The following NUP133 variants were observed in gnomAD, a reference collection of about 807,000 sequenced individuals.
NUP133 encodes the protein nucleoporin 133.
NUP133 carries 66 observed loss-of-function variants against 146.2 expected under a neutral mutation model. The observed-to-expected ratio is 0.45, with a 90% CI of 0.37 to 0.55. NUP133 has a LOEUF of 0.55. Ranked by LOEUF, NUP133 falls within the 20% of genes least tolerant of loss-of-function variation. The probability of loss-of-function intolerance (pLI) is 0.00; values close to 1 mark genes in which losing one functional copy is unlikely to be tolerated. For missense variants in NUP133, 1,277 were observed against 1,374.8 expected, an observed-to-expected ratio of 0.93 and a Z score of 1.12; for synonymous variants, 521 against 498.8, an observed-to-expected ratio of 1.04 and a Z score of -0.59.
Position 229,465,405 on chromosome 1 carries a change from A to C in NUP133, c.2299+15T>G, listed in dbSNP as rs1481885068. ...AAATATATTTTGAACAACTGTTAAT[A>C]AATCAGTATATTACCCGTCCATGGA... On this transcript the variant is annotated intron_variant, in intron 17 of 25. Transcript: ENST00000261396. The C allele has an allele frequency of 1.2e-5, 19 of 1,524,812 alleles. No individual in the cohort carries two copies. The highest frequency in any genetic ancestry group is 1.7e-5 in the Admixed American group (1 of 58,644). 94.5% of individuals were successfully genotyped at this position (1,524,812 alleles called of 1,614,324 possible). A position where few individuals can be genotyped will look rare whatever the true frequency, so the allele number is the denominator to read the frequency against.
At position 229,508,250 on chromosome 1, in the gene NUP133, G is replaced by T; in HGVS notation, c.-1C>A. 1 of 1,512,720 alleles carries T rather than the reference G, an allele frequency of 6.6e-7. No individual in the cohort carries two copies. Among genetic ancestry groups the T allele is most frequent in the South Asian group, 1.2e-5 (1 of 80,462 alleles). The allele number at this position is 1,512,720 out of a possible 1,614,324, so 93.7% of individuals were successfully genotyped here. A position where few individuals can be genotyped will look rare whatever the true frequency, so the allele number is the denominator to read the frequency against. On this transcript the variant is annotated 5_prime_UTR_variant, in exon 1 of 26. Transcript: ENST00000261396. ...GCGGAGAAGGGGCGGCTGGGAACAT[G>T]ACTCCAAGGAGCAGCGACTAGGACA...
chr1:229,444,201 C>T (rs933843276), intron 25 of NUP133, among the ~76,000 whole-genome samples: 3 of 151,768 alleles, frequency 2.0e-5, no homozygotes, highest in Admixed American at 6.6e-5. Context: ...CATGGTGGTG[C>T]GTGCCTGTAA....
At chr1:229,497,044 C>T (rs1661673098) in intron 6 of NUP133, among the ~76,000 whole-genome samples, 1 of 152,138 alleles carries the variant, frequency 6.6e-6, no homozygotes, top group South Asian at 2.1e-4. Context: ...AGATATTCGG[C>T]TTTTTAAAGC....
In NUP133 at chr1:229,463,603, C is replaced by T. The variant is rs914587363; in HGVS notation, c.2625G>A (p.Met875Ile). The T allele has an allele frequency of 2.5e-6, 4 of 1,613,972 alleles. No homozygotes were observed. Among genetic ancestry groups the T allele is most frequent in the African/African-American group, 2.7e-5 (2 of 74,892 alleles). Residue 875 changes from methionine to isoleucine, a missense_variant, in exon 19 of 26, where the codon ATG (methionine) becomes ATA (isoleucine). This residue lies in a region of NUP133 where 952 missense variants were observed against 1,047.0 expected (regional missense o/e 0.91). Coordinates refer to ENST00000261396, the MANE Select transcript of NUP133 (RefSeq NM_018230.3). Reference protein sequence around the residue: ...KYCDFDILVQMCEQTDNQSRL... With the variant: ...KYCDFDILVQICEQTDNQSRL... Reference sequence around the variant, plus strand: ...GGCTCTGGTTGTCAGTCTGCTCACACATTTGTACCAATATATCAAAGTCAC... The same window carrying T: ...GGCTCTGGTTGTCAGTCTGCTCACATATTTGTACCAATATATCAAAGTCAC...
chr1:229,505,815 G>A (rs1474455733), intron 2 of NUP133, among the ~76,000 whole-genome samples: 2 of 152,124 alleles, frequency 1.3e-5, no homozygotes, highest in African/African-American at 4.8e-5. Flanking sequence ...TTGAACCTGG[G>A]AGGTGGTGGT....
intron 9 of NUP133, among the ~76,000 whole-genome samples, chr1:229,489,699 T>C (rs1454060307): frequency 6.6e-6 from 1 of 152,128 alleles, no homozygotes; most frequent in African/African-American, 2.4e-5. Flanking sequence ...GGTGAAACCC[T>C]GTCTCTGCTA....
At chr1:229,491,318 T>C (rs1661507593) in intron 8 of NUP133, among the ~76,000 whole-genome samples, 1 of 152,194 alleles carries the variant, frequency 6.6e-6, no homozygotes, top group Non-Finnish European at 1.5e-5. Flanking sequence ...ATTTAAAGCT[T>C]ACTTGCTTTT....
At chr1:229,478,463 GTA>G (rs903619616) in intron 12 of NUP133, among the ~76,000 whole-genome samples, 1 of 151,842 alleles carries the variant, frequency 6.6e-6, no homozygotes, top group Non-Finnish European at 1.5e-5. Context: ...TGGGGGAGGG[GTA>G]TACAGCTGCA....
At chr1:229,442,675 A>T (rs1396615757) in intron 25 of NUP133, among the ~76,000 whole-genome samples, 3 of 148,600 alleles carry the variant, frequency 2.0e-5, no homozygotes, top group Non-Finnish European at 3.0e-5. Context: ...ATACTGGTTT[A>T]AAAAAAAAAC....
intron 12 of NUP133, among the ~76,000 whole-genome samples, chr1:229,479,680 T>C (rs761183568): frequency 4.6e-5 from 7 of 152,128 alleles, no homozygotes; most frequent in Non-Finnish European, 8.8e-5. Flanking sequence ...TTTGGATACG[T>C]TGAAACTCAA....
At chr1:229,462,690 T>C (rs1660720602) in intron 19 of NUP133, among the ~76,000 whole-genome samples, 1 of 152,020 alleles carries the variant, frequency 6.6e-6, no homozygotes, top group South Asian at 2.1e-4. Flanking sequence ...CCTGAATAAG[T>C]GTGGCCATGG....
At position 229,444,976 on chromosome 1, in the gene NUP133, T is replaced by C. The variant is rs1660272235; in HGVS notation, c.3272A>G (p.Asp1091Gly). 3 of 1,612,496 alleles carry C rather than the reference T, an allele frequency of 1.9e-6. No homozygotes were observed. The highest frequency in any genetic ancestry group is 2.5e-6 in the Non-Finnish European group (3 of 1,179,210). Residue 1091 changes from aspartate (D) to glycine (G), a missense_variant, in exon 25 of 26, where the codon GAT becomes GGT. Physicochemically the swap from Asp to Gly is moderately conservative, Grantham distance 94. Transcript: ENST00000261396. ...DNWSSSDGKD[D>G]PIEVSKDSIF... ...ACTGTCTTTAGATACTTCAATTGGA[T>C]CATCTTTGCCATCAGAACTGGACCA...
At chr1:229,443,090 C>T (rs1223990192) in intron 25 of NUP133, among the ~76,000 whole-genome samples, 3 of 152,178 alleles carry the variant, frequency 2.0e-5, no homozygotes, top group East Asian at 1.9e-4. Flanking sequence ...TGGAATGGTA[C>T]GATCGTAGCT....
intron 14 of NUP133, among the ~76,000 whole-genome samples, chr1:229,473,485 G>A (rs1025659154): frequency 6.6e-6 from 1 of 152,176 alleles, no homozygotes; most frequent in Non-Finnish European, 1.5e-5. Flanking sequence ...GGAAGGCTGA[G>A]ACAAGAGTGC....
At chr1:229,470,030 C>A (rs1660917986) in intron 15 of NUP133, among the ~76,000 whole-genome samples, 1 of 151,924 alleles carries the variant, frequency 6.6e-6, no homozygotes, top group Non-Finnish European at 1.5e-5. Flanking sequence ...GTGCCCCCTG[C>A]CCCCAGAAAA....
intron 12 of NUP133, among the ~76,000 whole-genome samples, chr1:229,479,270 A>G (rs1158719290): frequency 3.9e-5 from 6 of 152,292 alleles, no homozygotes; most frequent in African/African-American, 1.4e-4. Context: ...TCTGATCCGC[A>G]TTTGGTTGAA....
intron 25 of NUP133, 40 bp from the exon 26 acceptor site, chr1:229,442,080 T>C (rs1660196241): frequency 1.6e-5 from 24 of 1,530,042 alleles, no homozygotes; most frequent in Non-Finnish European, 2.0e-5. Context: ...TCAATTATTA[T>C]AAAATGCTCA....
chr1:229,443,723 A>ATTTTTTTTT (rs71561738), intron 25 of NUP133, among the ~76,000 whole-genome samples: 1 of 116,160 alleles, frequency 8.6e-6, no homozygotes, highest in Non-Finnish European at 1.7e-5. Flanking sequence ...CACATATATA[A>ATTTTTTTTT]TTTTTTTTTT....
chr1:229,497,388 T>C (rs1357480249), intron 6 of NUP133, among the ~76,000 whole-genome samples: 2 of 152,182 alleles, frequency 1.3e-5, no homozygotes, highest in Admixed American at 6.5e-5. Flanking sequence ...GAGTAGCCAA[T>C]AGGAGAGATG....
Sources: gnomAD v4.1 joint callset for allele counts (sites outside exome capture counted in the v4.1 genomes callset) on GRCh38, gnomAD v4.1.1 for gene constraint, gnomAD v4.1.1 regional missense constraint, MANE v1.5 for transcripts, NCBI Gene and HGNC (gene_info 2026-07-23, HGNC 2026-07-21) for gene names.